Variants in GLCCI1 observed in about 807,000 individuals in gnomAD.
The protein encoded by GLCCI1 is glucocorticoid-induced transcript 1 protein.
In GLCCI1, 24 loss-of-function variants were observed where a neutral mutation model predicts 52.2. The observed-to-expected ratio is 0.46, with a 90% CI of 0.33 to 0.65. The LOEUF is 0.65. Among genes scored for constraint, GLCCI1 ranks in the 30% least tolerant of loss-of-function variants. The pLI, the probability that GLCCI1 is intolerant of heterozygous loss-of-function variation, is 0.02. For missense variants in GLCCI1, 704 were observed against 701.5 expected (o/e 1.00, Z -0.04); for synonymous variants, 310 against 276.5 (o/e 1.12, Z -1.20).
intron 3 of GLCCI1, among the ~76,000 whole-genome samples, chr7:8,052,945 T>C (rs1474083707): frequency 6.6e-6 from 1 of 152,212 alleles, no homozygotes; most frequent in East Asian, 1.9e-4. Flanking sequence ...TTCTGTCTTC[T>C]TCAGTCCTTG....
At chr7:8,085,662 G>A (rs1783090220) in intron 7 of GLCCI1, among the ~76,000 whole-genome samples, 1 of 152,064 alleles carries the variant, frequency 6.6e-6, no homozygotes, top group Admixed American at 6.5e-5. Flanking sequence ...CTTAGCTCCT[G>A]GGAACGGGAG....
intron 3 of GLCCI1, among the ~76,000 whole-genome samples, chr7:8,040,069 C>A (rs985461771): frequency 6.6e-6 from 1 of 151,568 alleles, no homozygotes; most frequent in African/African-American, 2.4e-5. Flanking sequence ...TGCACTTTAC[C>A]CCCTAAATCT....
intron 6 of GLCCI1, among the ~76,000 whole-genome samples, chr7:8,073,580 A>G (rs969361043): frequency 6.6e-6 from 1 of 152,162 alleles, no homozygotes; most frequent in Non-Finnish European, 1.5e-5. Context: ...CTAATAGTTA[A>G]AAAATATTTC....
At chr7:8,001,564 A>G (rs1781049197) in intron 1 of GLCCI1, among the ~76,000 whole-genome samples, 1 of 152,198 alleles carries the variant, frequency 6.6e-6, no homozygotes. Flanking sequence ...AAGGATGTAG[A>G]ACTAAAAATA....
intron 3 of GLCCI1, among the ~76,000 whole-genome samples, chr7:8,026,851 G>C (rs1781633198): frequency 6.6e-6 from 1 of 152,200 alleles, no homozygotes; most frequent in Non-Finnish European, 1.5e-5. Context: ...GAGAAAGTAA[G>C]GGAAAAGAAT....
intron 1 of GLCCI1, among the ~76,000 whole-genome samples, chr7:7,986,487 T>A (rs1780734462): frequency 6.6e-6 from 1 of 151,368 alleles, no homozygotes; most frequent in Non-Finnish European, 1.5e-5. Context: ...ATCACACCAC[T>A]GCACTCCAGC....
intron 6 of GLCCI1, among the ~76,000 whole-genome samples, chr7:8,080,123 C>G (rs1361868380): frequency 1.3e-5 from 2 of 151,522 alleles, no homozygotes; most frequent in South Asian, 2.1e-4. Flanking sequence ...TCTTAAAGTT[C>G]ATTGCCAAGA....
Position 8,071,126 on chromosome 7 carries a change from A to G in GLCCI1, c.1172A>G (p.Asp391Gly), listed in dbSNP as rs1460986385. ...CSTEDLLYDR[D>G]KDSGSSSPLP... ...ACAGAAGATTTGCTCTATGATCGTG[A>G]TAAAGGTAAGAATGGAATTGTCCAC... The change falls in exon 6 of 8, where the codon GAT (aspartate) becomes GGT (glycine). Residue 391 changes from aspartate (D) to glycine (G), a missense_variant. Physicochemically the swap from Asp to Gly is moderately conservative, Grantham distance 94 (BLOSUM62 -1). Around this residue, in one of 3 missense-constraint regions of GLCCI1, gnomAD observed 547 missense variants for 524.8 expected, o/e 1.04. Transcript: ENST00000223145. 1 of 1,613,252 alleles carries G rather than the reference A, an allele frequency of 6.2e-7. No homozygotes were observed. The highest frequency in any genetic ancestry group is 8.5e-7 in the Non-Finnish European group (1 of 1,179,440).
At chr7:8,029,577 GAGAA>G (rs1781700131) in intron 3 of GLCCI1, among the ~76,000 whole-genome samples, 1 of 152,104 alleles carries the variant, frequency 6.6e-6, no homozygotes, top group African/African-American at 2.4e-5. Flanking sequence ...AATCATAAAA[GAGAA>G]AGAAATAAAG....
At chr7:8,034,857 C>G (rs1364830437) in intron 3 of GLCCI1, among the ~76,000 whole-genome samples, 1 of 152,222 alleles carries the variant, frequency 6.6e-6, no homozygotes, top group Admixed American at 6.5e-5. Context: ...AAGAGTTCCT[C>G]TGCCCTTATG....
chr7:8,043,945 A>ATT (rs35175770), intron 3 of GLCCI1, among the ~76,000 whole-genome samples: 19 of 139,200 alleles, frequency 1.4e-4, no homozygotes, highest in South Asian at 2.3e-4. Flanking sequence ...GAAGCACTAA[A>ATT]TTTTTTTTTT....
chr7:8,044,182 C>T (rs183227677), intron 3 of GLCCI1, among the ~76,000 whole-genome samples: 1 of 151,948 alleles, frequency 6.6e-6, no homozygotes. Context: ...CCTGACCTCG[C>T]GATCCACCTG....
In GLCCI1 at chr7:8,060,009, G is replaced by T; in HGVS notation, c.814-87G>T. ...GGTCAGAAATAACTCCGTTCATTGA[G>T]TTTCAATTTTAATATTTACCATACT... On this transcript the variant is annotated intron_variant, in intron 4 of 7. Transcript: ENST00000223145. 3 of 1,118,446 alleles carry T rather than the reference G, an allele frequency of 2.7e-6. No homozygotes were observed. The South Asian group carries it at 5.9e-5, about 22-fold the overall frequency. The allele number at this position is 1,118,446 out of a possible 1,614,324, so 69.3% of individuals were successfully genotyped here.
chr7:7,970,797 A>G (rs939376713), intron 1 of GLCCI1, among the ~76,000 whole-genome samples: 4 of 152,178 alleles, frequency 2.6e-5, no homozygotes, highest in Non-Finnish European at 5.9e-5. Flanking sequence ...GGAATAGCTA[A>G]TATTGTTAGA....
At position 8,052,046 on chromosome 7, in the gene GLCCI1, C is replaced by A. The variant is rs146765470; in HGVS notation, c.697-3387C>A. 1.8e-3 allele frequency among the ~76,000 whole-genome samples: 274 copies of A among 152,270 alleles called. 1 individual carries two copies. Among genetic ancestry groups the A allele is most frequent in the African/African-American group, 6.3e-3 (260 of 41,554 alleles). ...CCTGGGCAGGTACTACCCTATAGGTCACCTTTGTGTGAATTAGATAAAAGC... is the reference window on the plus strand; with the variant it reads ...CCTGGGCAGGTACTACCCTATAGGTAACCTTTGTGTGAATTAGATAAAAGC... On this transcript the variant is annotated intron_variant, in intron 3 of 7. Coordinates refer to ENST00000223145, the MANE Select transcript of GLCCI1 (RefSeq NM_138426.4).
At chr7:8,028,255 A>T (rs1249565293) in intron 3 of GLCCI1, among the ~76,000 whole-genome samples, 2 of 152,208 alleles carry the variant, frequency 1.3e-5, no homozygotes, top group African/African-American at 4.8e-5. Flanking sequence ...AAATAATATC[A>T]GGAATCCTCT....
chr7:8,044,188 A>G (rs1376631172), intron 3 of GLCCI1, among the ~76,000 whole-genome samples: 2 of 151,880 alleles, frequency 1.3e-5, no homozygotes, highest in Non-Finnish European at 2.9e-5. Flanking sequence ...CTCGCGATCC[A>G]CCTGCGTCAG....
At chr7:8,043,720 A>C (rs1412955267) in intron 3 of GLCCI1, among the ~76,000 whole-genome samples, 1 of 152,204 alleles carries the variant, frequency 6.6e-6, no homozygotes, top group African/African-American at 2.4e-5. Context: ...AGTTAATGGA[A>C]TGTAAATTAT....
At chr7:8,059,834 A>T (rs960102400) in intron 4 of GLCCI1, among the ~76,000 whole-genome samples, 6 of 152,246 alleles carry the variant, frequency 3.9e-5, no homozygotes, top group African/African-American at 1.4e-4. Flanking sequence ...CTGCCATTCT[A>T]CTGAACAAGT....
Sources: allele counts gnomAD v4.1 joint callset (sites outside exome capture counted in the v4.1 genomes callset), GRCh38; gene constraint gnomAD v4.1.1; regional missense constraint gnomAD v4.1.1; transcripts MANE v1.5; gene names NCBI Gene and HGNC (gene_info 2026-07-23, HGNC 2026-07-21).